The following MBD5 variants were observed in gnomAD, a reference collection of about 807,000 sequenced individuals.
MBD5 encodes the protein methyl-CpG binding domain protein 5.
In MBD5, 13 loss-of-function variants were observed where a neutral mutation model predicts 117.3. That is an observed-to-expected ratio of 0.11 (90% confidence interval 0.07 to 0.18). The LOEUF (loss-of-function observed/expected upper bound fraction) is 0.18. MBD5 is among the 10% of genes least tolerant of loss of function. The probability of loss-of-function intolerance (pLI) is 1.00; values close to 1 mark genes in which losing one functional copy is unlikely to be tolerated. For missense variants in MBD5, 1,879 were observed against 2,093.8 expected (o/e 0.90, Z 2.00); for synonymous variants, 727 against 766.4 (o/e 0.95, Z 0.85).
chr2:148,261,816 G>T (rs1418902515), intron 3 of MBD5, among the ~76,000 whole-genome samples: 1 of 152,170 alleles, frequency 6.6e-6, no homozygotes, highest in East Asian at 1.9e-4. Context: ...TCTAGCTTTT[G>T]ATTTGAATTG....
intron 4 of MBD5, among the ~76,000 whole-genome samples, chr2:148,387,975 G>A (rs1049804772): frequency 6.6e-5 from 10 of 152,064 alleles, no homozygotes; most frequent in African/African-American, 1.7e-4. Flanking sequence ...CAGGGTTTTT[G>A]GGGAATCTAA....
chr2:148,354,449 C>T (rs1703323062), intron 4 of MBD5, among the ~76,000 whole-genome samples: 1 of 152,180 alleles, frequency 6.6e-6, no homozygotes, highest in Non-Finnish European at 1.5e-5. Flanking sequence ...ATGAACTCAT[C>T]ATTTTTTATG....
chr2:148,260,544 A>G, intron 3 of MBD5: 1 of 184,274 alleles, frequency 5.4e-6, no homozygotes, highest in Non-Finnish European at 1.2e-5. Context: ...ACCTCTTCCC[A>G]TGAATCAAGA....
At chr2:148,139,214 C>CT (rs1447720939) in intron 1 of MBD5, among the ~76,000 whole-genome samples, 7 of 150,848 alleles carry the variant, frequency 4.6e-5, no homozygotes, top group Non-Finnish European at 7.4e-5. Flanking sequence ...TTTTTTTAAC[C>CT]TTTTTTTTTG....
intron 3 of MBD5, among the ~76,000 whole-genome samples, chr2:148,273,326 A>G (rs571170833): frequency 2.0e-5 from 3 of 152,310 alleles, no homozygotes; most frequent in Non-Finnish European, 4.4e-5. Context: ...TTGAAACTGC[A>G]TTTGTAAGAT....
At chr2:148,499,031 GC>G (rs1234178167) in intron 11 of MBD5, among the ~76,000 whole-genome samples, 2 of 152,188 alleles carry the variant, frequency 1.3e-5, no homozygotes, top group East Asian at 3.8e-4. Context: ...GGTGGCTCAT[GC>G]CTTTAATCCT....
intron 3 of MBD5, among the ~76,000 whole-genome samples, chr2:148,302,841 AG>A (rs1158651867): frequency 1.4e-4 from 21 of 151,726 alleles, no homozygotes; most frequent in South Asian, 8.3e-4. Flanking sequence ...TATCTTGCCC[AG>A]GCTTCTGTTT....
At chr2:148,026,361 A>C (rs1693892694) in intron 1 of MBD5, 2 of 152,224 alleles carry the variant, frequency 1.3e-5, no homozygotes, top group African/African-American at 2.4e-5. Context: ...AAAGTTTACA[A>C]GTACAGAAAA....
intron 1 of MBD5, among the ~76,000 whole-genome samples, chr2:148,107,608 T>C (rs1490751822): frequency 6.6e-6 from 1 of 152,102 alleles, no homozygotes; most frequent in East Asian, 1.9e-4. Context: ...ATATTGAAGT[T>C]GCTGTTTAAC....
intron 3 of MBD5, among the ~76,000 whole-genome samples, chr2:148,300,036 T>C (rs1346353965): frequency 1.3e-5 from 2 of 152,140 alleles, no homozygotes; most frequent in African/African-American, 4.8e-5. Context: ...TACATACCTA[T>C]TGAATAAGTG....
At chr2:148,176,162 C>A (rs567842541) in intron 1 of MBD5, among the ~76,000 whole-genome samples, 1 of 151,958 alleles carries the variant, frequency 6.6e-6, no homozygotes, top group Non-Finnish European at 1.5e-5. Flanking sequence ...AAAAAGAATA[C>A]TTTATTAAGA....
At chr2:148,299,134 C>CA (rs1701723328) in intron 3 of MBD5, among the ~76,000 whole-genome samples, 1 of 146,318 alleles carries the variant, frequency 6.8e-6, no homozygotes, top group South Asian at 2.2e-4. Flanking sequence ...AAAGAACTTT[C>CA]TTTTTTTTTT....
chr2:148,381,893 C>A (rs1704156436), intron 4 of MBD5, among the ~76,000 whole-genome samples: 2 of 152,102 alleles, frequency 1.3e-5, no homozygotes, highest in Admixed American at 6.6e-5. Context: ...AAATCCTTTA[C>A]AGACAAGCAA....
chr2:148,220,651 G>C (rs1021892321), intron 2 of MBD5, among the ~76,000 whole-genome samples: 1 of 151,856 alleles, frequency 6.6e-6, no homozygotes, highest in African/African-American at 2.4e-5. Context: ...ATATTTGTAC[G>C]ATATATGAAA....
At chr2:148,265,503 A>G (rs1473742031) in intron 3 of MBD5, among the ~76,000 whole-genome samples, 1 of 151,902 alleles carries the variant, frequency 6.6e-6, no homozygotes, top group Non-Finnish European at 1.5e-5. Context: ...GAACAGTTAG[A>G]TTATTTACAG....
intron 2 of MBD5, among the ~76,000 whole-genome samples, chr2:148,189,045 A>C (rs1286665650): frequency 6.9e-6 from 1 of 144,254 alleles, no homozygotes; most frequent in Admixed American, 6.9e-5. Flanking sequence ...TGCGCTTTTC[A>C]GACCGGCTTA....
chr2:148,316,018 G>A (rs970988332), intron 3 of MBD5, among the ~76,000 whole-genome samples: 1 of 152,158 alleles, frequency 6.6e-6, no homozygotes, highest in African/African-American at 2.4e-5. Context: ...AAGGTGAAGG[G>A]GAAGCAGGCA....
chr2:148,383,254 T>TA (rs1416651615), intron 4 of MBD5, among the ~76,000 whole-genome samples: 6 of 151,794 alleles, frequency 4.0e-5, no homozygotes, highest in African/African-American at 1.4e-4. Context: ...ATAGATGAAA[T>TA]AAAAAATGAC....
At chr2:148,367,855 T>C (rs1703746358) in intron 4 of MBD5, among the ~76,000 whole-genome samples, 2 of 152,034 alleles carry the variant, frequency 1.3e-5, no homozygotes, top group Admixed American at 1.3e-4. Flanking sequence ...TGGGGAGAAA[T>C]AGTACACTTT....
Sources: allele counts gnomAD v4.1 joint callset (sites outside exome capture counted in the v4.1 genomes callset), GRCh38; gene constraint gnomAD v4.1.1; transcripts MANE v1.5; gene names NCBI Gene and HGNC (gene_info 2026-07-23, HGNC 2026-07-21).